GDNF: variants seen among roughly 807,000 people sequenced by gnomAD.
The protein encoded by GDNF is glial cell derived neurotrophic factor.
GDNF carries 5 observed loss-of-function variants against 13.7 expected under a neutral mutation model. The observed-to-expected ratio is 0.36, with a 90% CI of 0.19 to 0.77. GDNF has a LOEUF of 0.77. GDNF is among the 30% of genes least tolerant of loss of function. GDNF has a pLI of 0.51. For missense variants in GDNF, 246 were observed against 274.3 expected, an observed-to-expected ratio of 0.90 and a Z score of 0.73; for synonymous variants, 122 against 112.5, an observed-to-expected ratio of 1.08 and a Z score of -0.53.
chr5:37,814,752 T>C lies in GDNF; in HGVS notation c.*899A>G, dbSNP rs1276073483. On this transcript the variant is annotated 3_prime_UTR_variant, in exon 3 of 3. Coordinates refer to ENST00000326524, the MANE Select transcript of GDNF (RefSeq NM_000514.4). ...AAACAGATGCATTGCATCGAGTAGC[T>C]TCTCTGGTCACTGGTGACCACGCAT... 2.6e-5 allele frequency: 4 copies of C among 152,262 alleles called. No homozygotes were observed. Among genetic ancestry groups the C allele is most frequent in the African/African-American group, 9.6e-5 (4 of 41,466 alleles). The allele number at this position is 152,262 out of a possible 1,614,324, so 9.4% of individuals were successfully genotyped here.
In GDNF at chr5:37,834,894, C is replaced by T. The variant is rs528107081; in HGVS notation, c.-26-72G>A. 9.0e-5 allele frequency: 126 copies of T among 1,395,416 alleles called. No homozygotes were observed. In the African/African-American group the frequency reaches 1.7e-3, roughly 18 times the overall value. The allele number at this position is 1,395,416 out of a possible 1,614,324, so 86.4% of individuals were successfully genotyped here. A position where few individuals can be genotyped will look rare whatever the true frequency, so the allele number is the denominator to read the frequency against. ...TTAAGCCTGGGCTCCCTGCGGGTCC[C>T]TGCGCCCCTCTCCAACCTCGTCACC... On this transcript the variant is annotated intron_variant, in intron 1 of 2. Coordinates refer to ENST00000326524, the MANE Select transcript of GDNF (RefSeq NM_000514.4).
chr5:37,826,282 G>A (rs1016669453), intron 2 of GDNF, among the ~76,000 whole-genome samples: 1 of 152,202 alleles, frequency 6.6e-6, no homozygotes, highest in African/African-American at 2.4e-5. Context: ...TTCACAAATG[G>A]TGCCTAATGT....
chr5:37,836,325 C>G (rs1247945393), intron 1 of GDNF, among the ~76,000 whole-genome samples: 1 of 152,152 alleles, frequency 6.6e-6, no homozygotes, highest in Non-Finnish European at 1.5e-5. Context: ...TCATCTCTAC[C>G]CGGAACCCCA....
In GDNF at chr5:37,813,110, A is replaced by T. The variant is rs1387655805; in HGVS notation, c.*2541T>A. Reference sequence around the variant, plus strand: ...GCCACATCCAAATTGTGCTCCACGAATGACTGGATGGCTGGGGTTTGTCAC... The same window carrying T: ...GCCACATCCAAATTGTGCTCCACGATTGACTGGATGGCTGGGGTTTGTCAC... On this transcript the variant is annotated 3_prime_UTR_variant, in exon 3 of 3. Transcript: ENST00000326524. 6.6e-6 allele frequency: 1 copy of T among 152,248 alleles called. No homozygotes were observed. The highest frequency in any genetic ancestry group is 6.5e-5 in the Admixed American group (1 of 15,272). 9.4% of individuals were successfully genotyped at this position (152,248 alleles called of 1,614,324 possible).
At chr5:37,835,774 C>G in intron 1 of GDNF, 7 of 869,992 alleles carry the variant, frequency 8.0e-6, no homozygotes, top group Non-Finnish European at 1.3e-5. Context: ...GAGTCACTGG[C>G]TCCCCGCGCC....
At chr5:37,828,332 A>G (rs1750402504) in intron 2 of GDNF, among the ~76,000 whole-genome samples, 1 of 152,210 alleles carries the variant, frequency 6.6e-6, no homozygotes, top group Non-Finnish European at 1.5e-5. Flanking sequence ...ATACTTAGAG[A>G]AATTCATGTT....
At chr5:37,831,730 C>T (rs1340791115) in intron 2 of GDNF, among the ~76,000 whole-genome samples, 5 of 152,158 alleles carry the variant, frequency 3.3e-5, no homozygotes, top group African/African-American at 4.8e-5. Context: ...CCTTTCAGCT[C>T]GAAAATGCTA....
chr5:37,817,759 C>T (rs888672077), intron 2 of GDNF, among the ~76,000 whole-genome samples: 5 of 152,214 alleles, frequency 3.3e-5, no homozygotes, highest in African/African-American at 1.2e-4. Context: ...TGTTTCCACA[C>T]TGGCTGAAGC....
chr5:37,833,872 T>A (rs960784207), intron 2 of GDNF, among the ~76,000 whole-genome samples: 36 of 152,170 alleles, frequency 2.4e-4, no homozygotes, highest in Admixed American at 2.2e-3. Context: ...GAAAACGAGA[T>A]CACATCACAG....
Position 37,815,475 on chromosome 5 carries a change from A to G in GDNF, c.*176T>C. On this transcript the variant is annotated 3_prime_UTR_variant, in exon 3 of 3. Coordinates refer to ENST00000326524, the MANE Select transcript of GDNF (RefSeq NM_000514.4). The surrounding 1 kb of genome is among the most constrained non-coding windows in gnomAD (Gnocchi z 5.0). The stretch of plus-strand genomic sequence containing the variant: ...CTGGATCTCCCTCTACCAGGCTCCC[A>G]TGATGGCTGCCTTCCTCCTCCTCCT... 1 of 650,218 alleles carries G rather than the reference A, an allele frequency of 1.5e-6. No homozygotes were observed. Among genetic ancestry groups the G allele is most frequent in the Non-Finnish European group, 2.7e-6 (1 of 364,000 alleles). 40.3% of individuals were successfully genotyped at this position (650,218 alleles called of 1,614,324 possible). A position where few individuals can be genotyped will look rare whatever the true frequency, so the allele number is the denominator to read the frequency against.
intron 2 of GDNF, chr5:37,823,248 T>G (rs1333318854): frequency 6.6e-6 from 1 of 152,226 alleles, no homozygotes; most frequent in Admixed American, 6.5e-5. Context: ...CTTGTTGTCT[T>G]TTTGTTTTAA....
intron 2 of GDNF, among the ~76,000 whole-genome samples, chr5:37,827,312 T>C (rs1750361734): frequency 1.3e-5 from 2 of 152,214 alleles, no homozygotes; most frequent in Non-Finnish European, 2.9e-5. Flanking sequence ...TTAAATTTCC[T>C]GAGACTGATA....
chr5:37,830,952 C>T (rs1252768684), intron 2 of GDNF, among the ~76,000 whole-genome samples: 2 of 152,116 alleles, frequency 1.3e-5, no homozygotes, highest in South Asian at 2.1e-4. Flanking sequence ...ATGGGATGTG[C>T]CCCCCAGGGC....
Position 37,815,624 on chromosome 5 carries a change from A to G in GDNF, c.*27T>C. 1 of 1,607,050 alleles carries G rather than the reference A, an allele frequency of 6.2e-7. No individual in the cohort carries two copies. Among genetic ancestry groups the G allele is most frequent in the Non-Finnish European group, 8.5e-7 (1 of 1,173,652 alleles). ...TTTCTTTGCACTGTAGCAGGAATGC[A>G]ATACACAGCAGTCTCTGGAGCCGGA... On this transcript the variant is annotated 3_prime_UTR_variant, in exon 3 of 3. Transcript: ENST00000326524. This position sits in a 1 kb window ranked among gnomAD's most constrained non-coding sequence, Gnocchi z 5.0.
chr5:37,835,739 G>A, intron 1 of GDNF: 1 of 1,216,320 alleles, frequency 8.2e-7, no homozygotes, highest in Non-Finnish European at 1.2e-6. Context: ...AGAGATTCTG[G>A]CCCTAATCCC....
chr5:37,818,768 G>A (rs1390364394), intron 2 of GDNF, among the ~76,000 whole-genome samples: 2 of 152,072 alleles, frequency 1.3e-5, no homozygotes, highest in Admixed American at 1.3e-4. Context: ...CTGCAATATA[G>A]GTAGGCAAAG....
chr5:37,820,286 A>T (rs1469116539), intron 2 of GDNF, among the ~76,000 whole-genome samples: 1 of 152,254 alleles, frequency 6.6e-6, no homozygotes, highest in Non-Finnish European at 1.5e-5. Context: ...AGACTCATTA[A>T]TCTATATGAT....
intron 1 of GDNF, among the ~76,000 whole-genome samples, chr5:37,836,968 C>A (rs2111732175): frequency 6.6e-6 from 1 of 152,374 alleles, no homozygotes; most frequent in Non-Finnish European, 1.5e-5. Flanking sequence ...GGTTCCCGCC[C>A]TCGGCCGAGC....
Position 37,815,989 on chromosome 5 carries a change from G to C in GDNF, c.298C>G (p.Pro100Ala). Residue 100 changes from proline (P) to alanine (A), a missense_variant, in exon 3 of 3, where the codon CCA (proline) becomes GCA (alanine). Pro to Ala is a conservative substitution (Grantham distance 27, BLOSUM62 -1). Transcript: ENST00000326524. The surrounding 1 kb of genome is among the most constrained non-coding windows in gnomAD (Gnocchi z 5.0). Reference protein sequence around the residue: ...ERNRQAAAANPENSRGKGRRG... With the variant: ...ERNRQAAAANAENSRGKGRRG... Reference sequence around the variant, plus strand: ...CGACCTTTTCCTCTGGAATTCTCTGGGTTGGCAGCTGCAGCCTGCCGATTC... The same window carrying C: ...CGACCTTTTCCTCTGGAATTCTCTGCGTTGGCAGCTGCAGCCTGCCGATTC... 1 of 1,613,918 alleles carries C rather than the reference G, an allele frequency of 6.2e-7. No individual in the cohort carries two copies.
Sources: allele counts gnomAD v4.1 joint callset (sites outside exome capture counted in the v4.1 genomes callset), GRCh38; gene constraint gnomAD v4.1.1; non-coding constraint Gnocchi (gnomAD v3.1); transcripts MANE v1.5; gene names NCBI Gene and HGNC (gene_info 2026-07-23, HGNC 2026-07-21).